Variants in PCDH9 observed in about 807,000 individuals in gnomAD.
PCDH9 encodes the protein protocadherin 9, also known as protocadherin-9.
Under a neutral mutation model 70.6 loss-of-function variants are expected in PCDH9, and 24 were observed. The ratio of observed to expected loss-of-function variants is 0.34; its 90% confidence interval spans 0.25 to 0.48. The LOEUF (loss-of-function observed/expected upper bound fraction) is 0.48, where lower values mean the gene tolerates loss of function less well. Among genes scored for constraint, PCDH9 ranks in the 20% least tolerant of loss-of-function variants. PCDH9 has a pLI of 0.99. For missense variants in PCDH9, 1,281 were observed against 1,503.6 expected (o/e 0.85, Z 2.45); for synonymous variants, 562 against 558.5 (o/e 1.01, Z -0.09).
chr13:66,643,247 T>C (rs910812991), intron 3 of PCDH9, among the ~76,000 whole-genome samples: 5 of 152,086 alleles, frequency 3.3e-5, no homozygotes, highest in Non-Finnish European at 5.9e-5. Flanking sequence ...TGTAACTACC[T>C]ACTCTACTCA....
chr13:67,009,671 G>A (rs762448016), intron 2 of PCDH9, among the ~76,000 whole-genome samples: 10 of 151,906 alleles, frequency 6.6e-5, no homozygotes, highest in Non-Finnish European at 1.2e-4. Flanking sequence ...TCCACCCATC[G>A]TTGACTCTCA....
intron 3 of PCDH9, among the ~76,000 whole-genome samples, chr13:66,890,248 AC>A (rs2139564155): frequency 6.6e-6 from 1 of 152,166 alleles, no homozygotes; most frequent in South Asian, 2.1e-4. Context: ...GACAATAATG[AC>A]ATCTTTCCTA....
intron 3 of PCDH9, among the ~76,000 whole-genome samples, chr13:66,738,008 C>T (rs1219197975): frequency 1.1e-4 from 16 of 152,320 alleles, no homozygotes; most frequent in Non-Finnish European, 2.1e-4. Flanking sequence ...CTCAAGGAGG[C>T]CTGCCTGCCT....
chr13:66,888,408 G>A (rs2082043166), intron 3 of PCDH9, among the ~76,000 whole-genome samples: 1 of 151,804 alleles, frequency 6.6e-6, no homozygotes, highest in Non-Finnish European at 1.5e-5. Context: ...AGGCTGAGGT[G>A]GGAGGATTGC....
chr13:67,113,191 C>T (rs1023980507), intron 2 of PCDH9, among the ~76,000 whole-genome samples: 4 of 152,018 alleles, frequency 2.6e-5, no homozygotes, highest in African/African-American at 7.3e-5. Context: ...TTCAAATTCA[C>T]AGTATAATAC....
intron 4 of PCDH9, among the ~76,000 whole-genome samples, chr13:66,599,861 A>T (rs192075215): frequency 3.3e-5 from 5 of 152,000 alleles, no homozygotes; most frequent in African/African-American, 1.2e-4. Context: ...AAAGTTTTCT[A>T]CGATTGATTT....
intron 2 of PCDH9, among the ~76,000 whole-genome samples, chr13:66,946,865 G>C (rs900644515): frequency 5.9e-5 from 9 of 152,028 alleles, no homozygotes; most frequent in Non-Finnish European, 1.2e-4. Context: ...TCTGCAAAAT[G>C]AATGTACATA....
chr13:66,398,485 G>A (rs1028841012), intron 4 of PCDH9, among the ~76,000 whole-genome samples: 5 of 151,930 alleles, frequency 3.3e-5, no homozygotes, highest in Non-Finnish European at 5.9e-5. Flanking sequence ...ACATATCCCC[G>A]TTAGGGTTTC....
chr13:67,101,099 C>T (rs2138239304), intron 2 of PCDH9, among the ~76,000 whole-genome samples: 1 of 152,314 alleles, frequency 6.6e-6, no homozygotes, highest in South Asian at 2.1e-4. Flanking sequence ...CAGAGCCATG[C>T]AGCTCCTCAC....
chr13:66,463,790 G>A (rs1449126000), intron 4 of PCDH9, among the ~76,000 whole-genome samples: 1 of 151,722 alleles, frequency 6.6e-6, no homozygotes, highest in African/African-American at 2.4e-5. Flanking sequence ...CAGCAGGAGA[G>A]ATGAGGAAAA....
Position 66,562,696 on chromosome 13 carries a change from G to A in PCDH9, c.3340+68514C>T, listed in dbSNP as rs1356845160. On this transcript the variant is annotated intron_variant, in intron 4 of 4. Transcript: ENST00000377865. ...AGGATACATGAGGATTAGGGGAGCTGCAATTCAAGATGAGATTTGGGTGGA... is the reference window on the plus strand; with the variant it reads ...AGGATACATGAGGATTAGGGGAGCTACAATTCAAGATGAGATTTGGGTGGA... Among the ~76,000 whole-genome samples the A allele has an allele frequency of 5.3e-5, 8 of 152,114 alleles. No homozygotes were observed. In the East Asian group the frequency reaches 1.5e-3, roughly 29 times the overall value.
intron 2 of PCDH9, among the ~76,000 whole-genome samples, chr13:67,000,050 C>T (rs1366178877): frequency 1.3e-5 from 2 of 152,098 alleles, no homozygotes; most frequent in East Asian, 1.9e-4. Flanking sequence ...TATTGCGGCA[C>T]TATTCACAAT....
chr13:66,599,535 T>C (rs2138840596), intron 4 of PCDH9, among the ~76,000 whole-genome samples: 1 of 150,728 alleles, frequency 6.6e-6, no homozygotes, highest in South Asian at 2.1e-4. Context: ...TTAAATCATG[T>C]ACTATATTTT....
chr13:66,380,033 T>G (rs1293556474), intron 4 of PCDH9, among the ~76,000 whole-genome samples: 1 of 152,148 alleles, frequency 6.6e-6, no homozygotes, highest in Non-Finnish European at 1.5e-5. Context: ...TATATTTCAC[T>G]TAGAATATAT....
Position 67,215,537 on chromosome 13 carries a change from G to A in PCDH9, c.3036+9868C>T, listed in dbSNP as rs140462501. On this transcript the variant is annotated intron_variant, in intron 2 of 4. Transcript: ENST00000377865. Reference sequence around the variant, plus strand: ...AAGGTTGGGGTGAAGAGGCTTGGAAGTGAAGGAATTTGATCCTGTTTGTTT... The same window carrying A: ...AAGGTTGGGGTGAAGAGGCTTGGAAATGAAGGAATTTGATCCTGTTTGTTT... The A allele has an allele frequency of 3.2e-4, 49 of 152,198 alleles. No individual in the cohort carries two copies. In the East Asian group the frequency reaches 8.1e-3, roughly 25 times the overall value. The allele number at this position is 152,198 out of a possible 1,614,324, so 9.4% of individuals were successfully genotyped here. A position where few individuals can be genotyped will look rare whatever the true frequency, so the allele number is the denominator to read the frequency against.
intron 3 of PCDH9, among the ~76,000 whole-genome samples, chr13:66,854,280 C>A (rs1245152719): frequency 1.3e-5 from 2 of 152,098 alleles, no homozygotes; most frequent in African/African-American, 4.8e-5. Context: ...ATAGTCATGG[C>A]TGCTAAATGA....
chr13:67,060,446 A>T lies in PCDH9; in HGVS notation c.3037-156841T>A, dbSNP rs369980107. ...GTTTGTTTCCTGTTTTTGTTTTTTA[A>T]TCTGCTATGTCACTTCACAAATAAA... On this transcript the variant is annotated intron_variant, in intron 2 of 4. Coordinates refer to ENST00000377865, the MANE Select transcript of PCDH9 (RefSeq NM_203487.3). Among the ~76,000 whole-genome samples the T allele has an allele frequency of 4.6e-5, 7 of 152,058 alleles. No homozygotes were observed. The East Asian group carries it at 7.8e-4, about 17-fold the overall frequency.
chr13:66,683,108 G>T (rs560004129), intron 3 of PCDH9, among the ~76,000 whole-genome samples: 1 of 152,238 alleles, frequency 6.6e-6, no homozygotes, highest in East Asian at 1.9e-4. Flanking sequence ...GTTACAACCT[G>T]TTATGACACC....
chr13:66,670,765 T>A (rs2139037404), intron 3 of PCDH9, among the ~76,000 whole-genome samples: 1 of 152,140 alleles, frequency 6.6e-6, no homozygotes, highest in South Asian at 2.1e-4. Context: ...GATGTCCATA[T>A]GTTATGGATT....
Sources: gnomAD v4.1 joint callset for allele counts (sites outside exome capture counted in the v4.1 genomes callset) on GRCh38, gnomAD v4.1.1 for gene constraint, MANE v1.5 for transcripts, NCBI Gene and HGNC (gene_info 2026-07-23, HGNC 2026-07-21) for gene names.